The following KLHL29 variants were observed in gnomAD, a reference collection of about 807,000 sequenced individuals.
KLHL29 encodes the protein kelch-like protein 29.
A neutral mutation model predicts 80.4 loss-of-function variants in KLHL29; 21 were observed. That is an observed-to-expected ratio of 0.26 (90% CI 0.19 to 0.38). The LOEUF (loss-of-function observed/expected upper bound fraction) is 0.38, where lower values mean the gene tolerates loss of function less well. KLHL29 is among the 10% of genes least tolerant of loss of function. The probability of loss-of-function intolerance (pLI) is 1.00; values close to 1 mark genes in which losing one functional copy is unlikely to be tolerated. For synonymous variants in KLHL29, 511 were observed against 526.8 expected, an observed-to-expected ratio of 0.97 and a Z score of 0.41; for missense variants, 867 against 1,223.9, an observed-to-expected ratio of 0.71 and a Z score of 4.35.
rs1425948381 is a variant in KLHL29 at position 23,695,513 on chromosome 2, AAC to A, written c.1543-106_1543-105del. Reference sequence around the variant, plus strand: ...GCAGAGTATCTACACTCCCAAGCCTAACACAGCCTGGAATTATCCATTCTTGT... The same window carrying A: ...GCAGAGTATCTACACTCCCAAGCCTAACAGCCTGGAATTATCCATTCTTGT... On this transcript the variant is annotated intron_variant, in intron 8 of 13. Coordinates refer to ENST00000486442, the MANE Select transcript of KLHL29 (RefSeq NM_052920.2). This position sits in a 1 kb window ranked among gnomAD's most constrained non-coding sequence, Gnocchi z 7.6. The A allele has an allele frequency of 2.6e-6, 2 of 781,396 alleles. No individual in the cohort carries two copies. The highest frequency in any genetic ancestry group is 4.0e-6 in the Non-Finnish European group (2 of 496,812). The allele number at this position is 781,396 out of a possible 1,614,324, so 48.4% of individuals were successfully genotyped here.
Position 23,684,986 on chromosome 2 carries a change from G to A in KLHL29, c.1079+449G>A, listed in dbSNP as rs557079037. On this transcript the variant is annotated intron_variant, in intron 6 of 13. Coordinates refer to ENST00000486442, the MANE Select transcript of KLHL29 (RefSeq NM_052920.2). The surrounding 1 kb of genome is among the most constrained non-coding windows in gnomAD (Gnocchi z 4.4). ...GTGACTAATGCCAGGAAAGCGCATC[G>A]GCCAGGCTGTCCCTGCTGAGGAGCA... Among the ~76,000 whole-genome samples, 1 of 152,304 alleles carries A rather than the reference G, an allele frequency of 6.6e-6. No individual in the cohort carries two copies. Among genetic ancestry groups the A allele is most frequent in the East Asian group, 1.9e-4 (1 of 5,182 alleles).
Position 23,696,750 on chromosome 2 carries a change from C to T in KLHL29, c.2105+237C>T, listed in dbSNP as rs755399649. On this transcript the variant is annotated intron_variant, in intron 11 of 13. Transcript: ENST00000486442. This position sits in a 1 kb window ranked among gnomAD's most constrained non-coding sequence, Gnocchi z 5.5. The stretch of plus-strand genomic sequence containing the variant: ...GCAGTCGCTGAGATGGGAGATGGGG[C>T]GCTTCTGTCCCGACAACCCATTTAG... 36 of 463,758 alleles carry T rather than the reference C, an allele frequency of 7.8e-5. No homozygotes were observed. The highest frequency in any genetic ancestry group is 1.2e-4 in the Non-Finnish European group (32 of 263,480). 28.7% of individuals were successfully genotyped at this position (463,758 alleles called of 1,614,324 possible).
chr2:23,484,967 C>T (rs989653713), intron 2 of KLHL29, among the ~76,000 whole-genome samples: 8 of 152,140 alleles, frequency 5.3e-5, no homozygotes, highest in Admixed American at 1.3e-4. Context: ...CAGGGCCGCC[C>T]CCGAGGGAAT....
Position 23,684,363 on chromosome 2 carries a change from G to A in KLHL29, c.941-36G>A, listed in dbSNP as rs1045884703. 3.0e-6 allele frequency: 4 copies of A among 1,343,808 alleles called. No individual in the cohort carries two copies. The Admixed American group carries it at 1.4e-4, about 47-fold the overall frequency. The allele number at this position is 1,343,808 out of a possible 1,614,324, so 83.2% of individuals were successfully genotyped here. ...AATTAAAAAAAAAAAAACTCTTAAT[G>A]GGAACCTGGCCCTGTCTGTCTTCTC... On this transcript the variant is annotated intron_variant, in intron 5 of 13. Coordinates refer to ENST00000486442, the MANE Select transcript of KLHL29 (RefSeq NM_052920.2). The surrounding 1 kb of genome is among the most constrained non-coding windows in gnomAD (Gnocchi z 4.4).
At chr2:23,518,461 G>T (rs1666005062) in intron 2 of KLHL29, among the ~76,000 whole-genome samples, 1 of 152,200 alleles carries the variant, frequency 6.6e-6, no homozygotes, top group Non-Finnish European at 1.5e-5. Flanking sequence ...GATGCTCACG[G>T]ATCTCAGGCC....
chr2:23,455,125 TCTC>T (rs1342787215), intron 1 of KLHL29, among the ~76,000 whole-genome samples: 4 of 152,188 alleles, frequency 2.6e-5, no homozygotes, highest in African/African-American at 9.7e-5. Flanking sequence ...TGTGGCCTCT[TCTC>T]AGGCCTGGCT....
At chr2:23,392,663 AC>A (rs1377608408) in intron 1 of KLHL29, among the ~76,000 whole-genome samples, 1 of 152,172 alleles carries the variant, frequency 6.6e-6, no homozygotes, top group Non-Finnish European at 1.5e-5. Context: ...AAGGCCACAA[AC>A]CTAGCCACGT....
chr2:23,474,247 G>A (rs1227990705), intron 1 of KLHL29, among the ~76,000 whole-genome samples: 2 of 152,094 alleles, frequency 1.3e-5, no homozygotes, highest in East Asian at 3.8e-4. Flanking sequence ...CACATAGAGG[G>A]AATCAATATT....
At chr2:23,401,091 G>C (rs1398248970) in intron 1 of KLHL29, among the ~76,000 whole-genome samples, 1 of 152,200 alleles carries the variant, frequency 6.6e-6, no homozygotes. Flanking sequence ...CCTGAGGTCA[G>C]TTTCCTCTGC....
intron 3 of KLHL29, among the ~76,000 whole-genome samples, chr2:23,629,669 G>A (rs930058615): frequency 1.3e-5 from 2 of 152,202 alleles, no homozygotes; most frequent in African/African-American, 2.4e-5. Flanking sequence ...GTGCAAGGGA[G>A]GCCATCTGTG....
intron 3 of KLHL29, among the ~76,000 whole-genome samples, chr2:23,593,522 T>G (rs775894638): frequency 3.9e-5 from 6 of 152,150 alleles, no homozygotes; most frequent in Non-Finnish European, 5.9e-5. Context: ...TGGGTCCCCT[T>G]GGACAGCAGA....
At chr2:23,496,626 C>A (rs1665273668) in intron 2 of KLHL29, among the ~76,000 whole-genome samples, 1 of 152,222 alleles carries the variant, frequency 6.6e-6, no homozygotes, top group Admixed American at 6.5e-5. Context: ...GGGCAGGAAG[C>A]AAGGCCTCAG....
intron 6 of KLHL29, among the ~76,000 whole-genome samples, chr2:23,685,820 C>G (rs1671231289): frequency 6.6e-6 from 1 of 152,216 alleles, no homozygotes; most frequent in African/African-American, 2.4e-5. Flanking sequence ...CCACTCTTGA[C>G]AAATCCTGGA....
intron 2 of KLHL29, among the ~76,000 whole-genome samples, chr2:23,556,511 G>T (rs1401665124): frequency 6.6e-6 from 1 of 152,074 alleles, no homozygotes; most frequent in Non-Finnish European, 1.5e-5. Flanking sequence ...AAATTAGCGG[G>T]TGTGGTGATG....
chr2:23,543,354 A>G lies in KLHL29; in HGVS notation c.-45-18798A>G, dbSNP rs192093055. On this transcript the variant is annotated intron_variant, in intron 2 of 13. Coordinates refer to ENST00000486442, the MANE Select transcript of KLHL29 (RefSeq NM_052920.2). ...ATGGGCAGCGCCGGCGACCTCTGCC[A>G]CAGAGATGGTGATGAAAAGTCCCTC... Among the ~76,000 whole-genome samples, 74 of 152,280 alleles carry G rather than the reference A, an allele frequency of 4.9e-4. 1 individual carries two copies. Among genetic ancestry groups the G allele is most frequent in the Admixed American group, 4.8e-3 (74 of 15,300 alleles).
chr2:23,614,919 A>C (rs1488687073), intron 3 of KLHL29, among the ~76,000 whole-genome samples: 2 of 152,200 alleles, frequency 1.3e-5, no homozygotes, highest in African/African-American at 4.8e-5. Flanking sequence ...CTGGGCATTG[A>C]TGATGGGAAT....
chr2:23,544,901 G>T (rs547321772), intron 2 of KLHL29, among the ~76,000 whole-genome samples: 1 of 152,206 alleles, frequency 6.6e-6, no homozygotes, highest in Non-Finnish European at 1.5e-5. Flanking sequence ...TGGGTCTTAA[G>T]AAGAAGGCCT....
rs1365419037 is a variant in KLHL29 at position 23,696,489 on chromosome 2, C to T, written c.2081C>T (p.Ala694Val). The change falls in exon 11 of 14, where the codon GCA becomes GTA. Residue 694 changes from alanine (A) to valine (V), a missense_variant. Around this residue, in one of 2 missense-constraint regions of KLHL29, gnomAD observed 443 missense variants for 767.0 expected, o/e 0.58. Transcript: ENST00000486442. The surrounding 1 kb of genome is among the most constrained non-coding windows in gnomAD (Gnocchi z 5.5). ...TACACCCTCGGGGGACTTGGCGTGG[C>T]AGGCAACGTGGACCACGTGGAGAGG... ...KIYTLGGLGV[A>V]GNVDHVERYD... The T allele has an allele frequency of 3.3e-6, 5 of 1,538,198 alleles. No individual in the cohort carries two copies. Among genetic ancestry groups the T allele is most frequent in the Admixed American group, 4.0e-5 (2 of 50,230 alleles).
chr2:23,476,060 C>T (rs952543755), intron 2 of KLHL29, among the ~76,000 whole-genome samples: 3 of 152,072 alleles, frequency 2.0e-5, no homozygotes, highest in African/African-American at 7.2e-5. Flanking sequence ...TGTGCTATCA[C>T]GACATGGTTT....
Sources: gnomAD v4.1 joint callset for allele counts (sites outside exome capture counted in the v4.1 genomes callset) on GRCh38, gnomAD v4.1.1 for gene constraint, gnomAD v4.1.1 regional missense constraint, Gnocchi (gnomAD v3.1) non-coding constraint, MANE v1.5 for transcripts, NCBI Gene and HGNC (gene_info 2026-07-23, HGNC 2026-07-21) for gene names.